METAP1: variants seen among roughly 807,000 people sequenced by gnomAD.
METAP1 encodes the protein methionyl aminopeptidase 1.
Under a neutral mutation model 53.8 loss-of-function variants are expected in METAP1, and 28 were observed. That is an observed-to-expected ratio of 0.52 (90% CI 0.39 to 0.71). The LOEUF (loss-of-function observed/expected upper bound fraction) is 0.71. Ranked by LOEUF, METAP1 falls within the 30% of genes least tolerant of loss-of-function variation. The probability of loss-of-function intolerance (pLI) is 0.00; values close to 1 mark genes in which losing one functional copy is unlikely to be tolerated. For synonymous variants in METAP1, 181 were observed against 165.7 expected (o/e 1.09, Z -0.71); for missense variants, 389 against 479.8 (o/e 0.81, Z 1.77).
intron 7 of METAP1, among the ~76,000 whole-genome samples, chr4:99,044,581 T>C (rs17028421): frequency 0.063 from 9,610 of 152,104 alleles, 1,055 homozygotes; most frequent in African/African-American, 0.22. Flanking sequence ...TACAGGTTGA[T>C]TGAAATATGT....
At chr4:99,060,230 C>T (rs1042723842) in intron 10 of METAP1, among the ~76,000 whole-genome samples, 7 of 152,100 alleles carry the variant, frequency 4.6e-5, no homozygotes, top group Non-Finnish European at 1.0e-4. Context: ...AAAACTGAAA[C>T]TCAACCCATT....
chr4:99,014,314 G>T (rs530336102), intron 1 of METAP1, among the ~76,000 whole-genome samples: 4 of 152,080 alleles, frequency 2.6e-5, no homozygotes, highest in African/African-American at 9.7e-5. Flanking sequence ...TGGAATGAAC[G>T]TGCAGTATTG....
In METAP1 at chr4:99,048,817, A is replaced by T. The variant is rs1489782840; in HGVS notation, c.872A>T (p.Tyr291Phe). 1 of 1,613,894 alleles carries T rather than the reference A, an allele frequency of 6.2e-7. No homozygotes were observed. Among genetic ancestry groups the T allele is most frequent in the Non-Finnish European group, 8.5e-7 (1 of 1,179,886 alleles). The change falls in exon 9 of 11, where the codon TAT (tyrosine) becomes TTT (phenylalanine). Residue 291 changes from tyrosine (Y) to phenylalanine (F), a missense_variant. Physicochemically the swap from Tyr to Phe is conservative, Grantham distance 22. Transcript: ENST00000296411. Reference sequence around the variant, plus strand: ...AATGGGTTTTCAGTTGTTCGAAGCTATTGTGGGCATGGAATCCACAAGCTT... The same window carrying T: ...AATGGGTTTTCAGTTGTTCGAAGCTTTTGTGGGCATGGAATCCACAAGCTT... ...QANGFSVVRS[Y>F]CGHGIHKLFH...
intron 2 of METAP1, among the ~76,000 whole-genome samples, chr4:99,032,276 G>A (rs1286308154): frequency 6.6e-6 from 1 of 151,260 alleles, no homozygotes; most frequent in Non-Finnish European, 1.5e-5. Context: ...TGCCCAGGCT[G>A]GAGTGCAGTG....
At chr4:99,020,255 C>T (rs1343545358) in intron 1 of METAP1, among the ~76,000 whole-genome samples, 1 of 152,170 alleles carries the variant, frequency 6.6e-6, no homozygotes, top group Non-Finnish European at 1.5e-5. Flanking sequence ...GGTCATCTAG[C>T]AAAGGCTTAA....
chr4:99,020,556 C>T lies in METAP1; in HGVS notation c.115-8311C>T, dbSNP rs182821512. On this transcript the variant is annotated intron_variant, in intron 1 of 10. Coordinates refer to ENST00000296411, the MANE Select transcript of METAP1 (RefSeq NM_015143.3). ...TAACTGCTGCCTGAGGAGGAGGAGG[C>T]GGGACTAGAAAAGGAGGAAGATGGT... Among the ~76,000 whole-genome samples, 523 of 152,076 alleles carry T rather than the reference C, an allele frequency of 3.4e-3. 4 individuals are homozygous for T. The highest frequency in any genetic ancestry group is 0.011 in the African/African-American group (456 of 41,484).
At chr4:99,047,771 G>T (rs1175826083) in intron 8 of METAP1, among the ~76,000 whole-genome samples, 1 of 152,176 alleles carries the variant, frequency 6.6e-6, no homozygotes, top group East Asian at 1.9e-4. Context: ...CTGGGTCTTA[G>T]TGTGAGGGAG....
intron 1 of METAP1, among the ~76,000 whole-genome samples, chr4:99,017,536 T>C (rs1723836419): frequency 6.6e-6 from 1 of 152,248 alleles, no homozygotes; most frequent in Admixed American, 6.5e-5. Flanking sequence ...GGTCATACCT[T>C]GGTATCATAA....
chr4:99,049,025 A>G, intron 9 of METAP1, 149 bp downstream of exon 9: 1 of 1,039,252 alleles, frequency 9.6e-7, no homozygotes, highest in African/African-American at 1.6e-5. Context: ...TTGCTGAAAC[A>G]CAGTGCAAGT....
intron 10 of METAP1, among the ~76,000 whole-genome samples, chr4:99,059,414 A>G (rs1727383605): frequency 6.6e-6 from 1 of 152,224 alleles, no homozygotes; most frequent in Non-Finnish European, 1.5e-5. Context: ...TTGATGAGGC[A>G]TGAGTTAACT....
chr4:99,010,859 C>T (rs1723433253), intron 1 of METAP1, among the ~76,000 whole-genome samples: 1 of 152,038 alleles, frequency 6.6e-6, no homozygotes, highest in South Asian at 2.1e-4. Context: ...TTGTAGTTTG[C>T]ATTATACAAG....
chr4:99,031,423 G>A (rs139641975), intron 2 of METAP1: 180 of 1,266,604 alleles, frequency 1.4e-4, no homozygotes, highest in Middle Eastern at 1.1e-3. Context: ...TATAAAAGCC[G>A]CATTTAATAA....
At chr4:99,022,343 T>C in intron 1 of METAP1, 1 of 857,782 alleles carries the variant, frequency 1.2e-6, no homozygotes, top group Non-Finnish European at 1.7e-6. Flanking sequence ...GATCCCTCCA[T>C]GCTCTCTGAG....
At chr4:99,041,231 G>C in intron 6 of METAP1, 105 bp downstream of exon 6, 1 of 688,034 alleles carries the variant, frequency 1.5e-6, no homozygotes, top group Non-Finnish European at 2.2e-6. Context: ...GGTAACTTGG[G>C]TAAACTCATT....
At chr4:99,020,942 A>G (rs1017411174) in intron 1 of METAP1, among the ~76,000 whole-genome samples, 1 of 152,094 alleles carries the variant, frequency 6.6e-6, no homozygotes, top group Non-Finnish European at 1.5e-5. Flanking sequence ...TGCCTCCTTC[A>G]TCTCTGGCCT....
Position 99,035,476 on chromosome 4 carries a change from T to C in METAP1, c.340+16T>C, listed in dbSNP as rs1725361521. 2.0e-6 allele frequency: 3 copies of C among 1,526,120 alleles called. No homozygotes were observed. The highest frequency in any genetic ancestry group is 2.7e-6 in the Non-Finnish European group (3 of 1,125,104). The allele number at this position is 1,526,120 out of a possible 1,614,324, so 94.5% of individuals were successfully genotyped here. A position where few individuals can be genotyped will look rare whatever the true frequency, so the allele number is the denominator to read the frequency against. On this transcript the variant is annotated intron_variant, in intron 4 of 10. Transcript: ENST00000296411. ...CATCCCTTAGGTAAGCTCTGCTATG[T>C]TGATTCTTCATTTTTCAATTTGTGG...
chr4:99,026,812 A>T (rs1724596696), intron 1 of METAP1: 16 of 985,424 alleles, frequency 1.6e-5, no homozygotes, highest in Non-Finnish European at 1.7e-5. Flanking sequence ...GAAGACCATG[A>T]CTTGGTTGCC....
At chr4:99,047,684 T>C (rs1221245066) in intron 8 of METAP1, among the ~76,000 whole-genome samples, 2 of 152,150 alleles carry the variant, frequency 1.3e-5, no homozygotes, top group South Asian at 2.1e-4. Context: ...TCAGATAGGC[T>C]GAGTAGGAGA....
chr4:99,057,065 A>G (rs959420653), intron 9 of METAP1, among the ~76,000 whole-genome samples: 4 of 152,114 alleles, frequency 2.6e-5, no homozygotes, highest in African/African-American at 9.7e-5. Context: ...AGGTTCCGCC[A>G]TGTTGGCCAG....
Sources: allele counts gnomAD v4.1 joint callset (sites outside exome capture counted in the v4.1 genomes callset), GRCh38; gene constraint gnomAD v4.1.1; transcripts MANE v1.5; gene names NCBI Gene and HGNC (gene_info 2026-07-23, HGNC 2026-07-21).